Variants in PIK3CD observed in about 807,000 individuals in gnomAD.
PIK3CD encodes the protein phosphatidylinositol-4,5-bisphosphate 3-kinase catalytic subunit delta.
In PIK3CD, 20 loss-of-function variants were observed where a neutral mutation model predicts 122.9. The observed-to-expected ratio is 0.16, with a 90% CI of 0.11 to 0.24. PIK3CD has a LOEUF of 0.24. Ranked by LOEUF, PIK3CD falls within the 10% of genes least tolerant of loss-of-function variation. The pLI, the probability that PIK3CD is intolerant of heterozygous loss-of-function variation, is 1.00. For missense variants in PIK3CD, 787 were observed against 1,406.3 expected (o/e 0.56, Z 7.04); for synonymous variants, 596 against 593.4 (o/e 1.00, Z -0.06).
rs1648328632 is a variant in PIK3CD, at chr1:9,720,333, C to T, written c.1470+91C>T. ...GAGCTCTTCAGAGGGTGCTCCCTGG[C>T]CACGTCGGGGCTGGGCTACCAGGCA... On this transcript the variant is annotated intron_variant, in intron 11 of 23. Coordinates refer to ENST00000377346, the MANE Select transcript of PIK3CD (RefSeq NM_005026.5). This position sits in a 1 kb window ranked among gnomAD's most constrained non-coding sequence, Gnocchi z 9.0. 2 of 1,477,760 alleles carry T rather than the reference C, an allele frequency of 1.4e-6. No homozygotes were observed. Among genetic ancestry groups the T allele is most frequent in the South Asian group, 2.6e-5 (2 of 76,396 alleles). The allele number at this position is 1,477,760 out of a possible 1,614,324, so 91.5% of individuals were successfully genotyped here.
At position 9,662,290 on chromosome 1, in the gene PIK3CD, G is replaced by A. The variant is rs558482568; in HGVS notation, c.-138+10488G>A. On this transcript the variant is annotated intron_variant, in intron 1 of 23. Transcript: ENST00000377346. ...TGGGATTACAGGCGTGAGCTACCAC[G>A]CCTGGCCCATTCACGGATCTTTTTG... 57 of 152,922 alleles carry A rather than the reference G, an allele frequency of 3.7e-4. 2 individuals are homozygous for A. In the South Asian group the frequency reaches 0.01, roughly 27 times the overall value. The allele number at this position is 152,922 out of a possible 1,614,324, so 9.5% of individuals were successfully genotyped here.
chr1:9,667,666 G>A lies in PIK3CD; in HGVS notation c.-138+15864G>A, dbSNP rs961497589. On this transcript the variant is annotated intron_variant, in intron 1 of 23. Coordinates refer to ENST00000377346, the MANE Select transcript of PIK3CD (RefSeq NM_005026.5). The stretch of plus-strand genomic sequence containing the variant: ...GCTAGGATTACAGGCGTGAGCCACC[G>A]TGCCCGGCCGAAATAATGTTTTGCT... Among the ~76,000 whole-genome samples the A allele has an allele frequency of 5.7e-4, 86 of 151,686 alleles. 1 individual carries two copies. The highest frequency in any genetic ancestry group is 3.1e-4 in the African/African-American group (13 of 41,360).
chr1:9,638,806 T>A, the PIK3CD span, among the ~76,000 whole-genome samples: 1 of 146,590 alleles, frequency 6.8e-6, no homozygotes, highest in Non-Finnish European at 1.5e-5. Flanking sequence ...GACAGAGTCT[T>A]GCTCTGTCGC....
At chr1:9,702,537 T>TTTTTTTTTTG (rs1646683763) in intron 2 of PIK3CD, among the ~76,000 whole-genome samples, 1 of 127,092 alleles carries the variant, frequency 7.9e-6, no homozygotes, top group Non-Finnish European at 1.6e-5. Context: ...TTTTTTTTTT[T>TTTTTTTTTTG]GAGGCAGAGT....
chr1:9,716,718 GC>G (rs1277546672), intron 6 of PIK3CD, 99 bp downstream of exon 6: 1 of 1,320,590 alleles, frequency 7.6e-7, no homozygotes, highest in Non-Finnish European at 1.1e-6. Context: ...CCTTGAGCCT[GC>G]CGAGCCAGGC....
chr1:9,722,038 C>T lies in PIK3CD; in HGVS notation c.2119C>T (p.Pro707Ser), dbSNP rs745781507. Residue 707 changes from proline to serine, a missense_variant, in exon 17 of 24, where the codon CCC (proline) becomes TCC (serine). By Grantham distance (74) the Pro-to-Ser change is moderately conservative (BLOSUM62 -1). Transcript: ENST00000377346. This position sits in a 1 kb window ranked among gnomAD's most constrained non-coding sequence, Gnocchi z 7.6. ...DFVKLSSQKT[P>S]KPQTKELMHL... Reference sequence around the variant, plus strand: ...CGTCAAGCTGAGCTCTCAGAAGACCCCCAAGCCCCAGACCAAGGAGCTGAT... The same window carrying T: ...CGTCAAGCTGAGCTCTCAGAAGACCTCCAAGCCCCAGACCAAGGAGCTGAT... The T allele has an allele frequency of 6.2e-7, 1 of 1,613,716 alleles. No homozygotes were observed. Among genetic ancestry groups the T allele is most frequent in the Non-Finnish European group, 8.5e-7 (1 of 1,180,016 alleles).
chr1:9,707,394 T>C lies in PIK3CD; in HGVS notation c.-32-3030T>C, dbSNP rs941989514. 3.3e-5 allele frequency among the ~76,000 whole-genome samples: 5 copies of C among 151,290 alleles called. No individual in the cohort carries two copies. In the East Asian group the frequency reaches 7.7e-4, roughly 23 times the overall value. ...TTAACTTTTATTTTAAGTTCAGGGG[T>C]ACGTTGCAGGTTTGTTATATAGGTA... On this transcript the variant is annotated intron_variant, in intron 2 of 23. Transcript: ENST00000377346.
At position 9,721,265 on chromosome 1, in the gene PIK3CD, C is replaced by G; in HGVS notation, c.1811+17C>G. The G allele has an allele frequency of 6.2e-7, 1 of 1,613,040 alleles. No homozygotes were observed. The highest frequency in any genetic ancestry group is 1.1e-5 in the South Asian group (1 of 91,078). Reference sequence around the variant, plus strand: ...GAAACTGACGTGAGTCCCAGCTGGGCGCTCCCCACTTCTCCAGAGGGCAGC... The same window carrying G: ...GAAACTGACGTGAGTCCCAGCTGGGGGCTCCCCACTTCTCCAGAGGGCAGC... On this transcript the variant is annotated intron_variant, in intron 14 of 23. Transcript: ENST00000377346.
At chr1:9,631,911 T>TG in the PIK3CD span, among the ~76,000 whole-genome samples, 21 of 152,232 alleles carry the variant, frequency 1.4e-4, no homozygotes, top group Non-Finnish European at 2.5e-4. Context: ...GTTAAACTGT[T>TG]GCATCCAGGG....
intron 2 of PIK3CD, among the ~76,000 whole-genome samples, chr1:9,696,117 G>A (rs1270464768): frequency 6.6e-6 from 1 of 151,694 alleles, no homozygotes; most frequent in Non-Finnish European, 1.5e-5. Flanking sequence ...GACTACAGGT[G>A]TACGCCACCA....
At chr1:9,629,731 C>T in the PIK3CD span, among the ~76,000 whole-genome samples, 25 of 152,068 alleles carry the variant, frequency 1.6e-4, no homozygotes, top group Non-Finnish European at 3.4e-4. Context: ...AGCCCCTCGC[C>T]ACAGGGTACT....
At chr1:9,637,043 G>GC in the PIK3CD span, among the ~76,000 whole-genome samples, 1 of 151,880 alleles carries the variant, frequency 6.6e-6, no homozygotes, top group African/African-American at 2.4e-5. Context: ...GACTACAGGC[G>GC]CCCGCCACCA....
rs529741352 is a variant in PIK3CD at position 9,721,593 on chromosome 1, G to A, written c.1955+6G>A. 6.2e-6 allele frequency: 10 copies of A among 1,612,706 alleles called. No homozygotes were observed. The South Asian group carries it at 6.6e-5, about 11-fold the overall frequency. On this transcript the variant is annotated splice_donor_region_variant and intron_variant, in intron 15 of 23. Transcript: ENST00000377346. ...TTCCTTTTCTGGCACCTCCGGTAGC[G>A]GGACTTGCCCCAGCCGTTCTGTGGG... is the stretch of plus-strand genomic sequence containing the variant.
At chr1:9,699,783 G>A (rs900485254) in intron 2 of PIK3CD, among the ~76,000 whole-genome samples, 2 of 152,170 alleles carry the variant, frequency 1.3e-5, no homozygotes, top group Non-Finnish European at 2.9e-5. Context: ...AATAGAGACA[G>A]GGTTTCACCG....
rs1159309849 is a variant in PIK3CD, at chr1:9,728,727, CTT to C, written c.*1683_*1684del. The C allele has an allele frequency of 6.6e-6, 1 of 152,284 alleles. No individual in the cohort carries two copies. Among genetic ancestry groups the C allele is most frequent in the African/African-American group, 2.4e-5 (1 of 41,472 alleles). The allele number at this position is 152,284 out of a possible 1,614,324, so 9.4% of individuals were successfully genotyped here. On this transcript the variant is annotated 3_prime_UTR_variant, in exon 24 of 24. Coordinates refer to ENST00000377346, the MANE Select transcript of PIK3CD (RefSeq NM_005026.5). ...CTGTGTGCGCGGGTGTGGGAGCACACTTTGCAAAGCCACAGCGTTTCTGGTTT... is the reference window on the plus strand; with the variant it reads ...CTGTGTGCGCGGGTGTGGGAGCACACTGCAAAGCCACAGCGTTTCTGGTTT...
rs752111468 is a variant in PIK3CD, at chr1:9,724,259, C to T, written c.2719-17C>T. 1.2e-6 allele frequency: 2 copies of T among 1,614,026 alleles called. No individual in the cohort carries two copies. The highest frequency in any genetic ancestry group is 2.2e-5 in the East Asian group (1 of 44,870). On this transcript the variant is annotated splice_polypyrimidine_tract_variant and intron_variant, in intron 21 of 23. Coordinates refer to ENST00000377346, the MANE Select transcript of PIK3CD (RefSeq NM_005026.5). The surrounding 1 kb of genome is among the most constrained non-coding windows in gnomAD (Gnocchi z 7.3). ...TGACACCTTCTCAATCCTCCCCCTC[C>T]TCTCCCCTCCCCTCAGCTGTTCCAC...
intron 1 of PIK3CD, among the ~76,000 whole-genome samples, chr1:9,656,239 CA>C (rs1476941460): frequency 6.6e-6 from 1 of 152,072 alleles, no homozygotes; most frequent in East Asian, 1.9e-4. Flanking sequence ...ATCCCTTATC[CA>C]AAATGCTTGG....
intron 1 of PIK3CD, among the ~76,000 whole-genome samples, chr1:9,659,074 A>G (rs1006546202): frequency 6.6e-6 from 1 of 152,116 alleles, no homozygotes; most frequent in Admixed American, 6.6e-5. Context: ...CCTTTCCATT[A>G]ACTTCTTTTG....
intron 1 of PIK3CD, among the ~76,000 whole-genome samples, chr1:9,665,395 A>T (rs1289979632): frequency 6.6e-6 from 1 of 151,464 alleles, no homozygotes; most frequent in East Asian, 1.9e-4. Flanking sequence ...CCCCTACTAC[A>T]GGCGCACGCC....
Sources: allele counts gnomAD v4.1 joint callset (sites outside exome capture counted in the v4.1 genomes callset), GRCh38; gene constraint gnomAD v4.1.1; non-coding constraint Gnocchi (gnomAD v3.1); transcripts MANE v1.5; gene names NCBI Gene and HGNC (gene_info 2026-07-23, HGNC 2026-07-21).